Variants in RCOR1 observed in about 807,000 individuals in gnomAD.
RCOR1 encodes the protein REST corepressor 1, also known as REST corepressor.
RCOR1 carries 12 observed loss-of-function variants against 64.0 expected under a neutral mutation model. That is an observed-to-expected ratio of 0.19 (90% confidence interval 0.12 to 0.30). The LOEUF is 0.30. Among genes scored for constraint, RCOR1 ranks in the 10% least tolerant of loss-of-function variants. The pLI is 1.00. For missense variants in RCOR1, 502 were observed against 621.2 expected (o/e 0.81, Z 2.04); for synonymous variants, 279 against 227.2 (o/e 1.23, Z -2.05).
At chr14:102,656,153 T>A in intron 2 of RCOR1, 3 of 972,304 alleles carry the variant, frequency 3.1e-6, no homozygotes, top group Non-Finnish European at 3.7e-6. Context: ...TTTATTTTTT[T>A]TTTGGAGACA....
At chr14:102,649,892 G>A in intron 2 of RCOR1, 1 of 604,314 alleles carries the variant, frequency 1.7e-6, no homozygotes, top group Non-Finnish European at 2.1e-6. Flanking sequence ...AGAAAGGTGA[G>A]AGCTTAAAGA....
intron 6 of RCOR1, 164 bp from the exon 7 acceptor site, chr14:102,710,771 T>C (rs1035598061): frequency 3.3e-6 from 2 of 602,196 alleles, no homozygotes; most frequent in Non-Finnish European, 5.9e-6. Context: ...ATTACAAAGA[T>C]GTTTTTATCT....
At chr14:102,666,641 T>A (rs1478953820) in intron 2 of RCOR1, among the ~76,000 whole-genome samples, 4 of 152,238 alleles carry the variant, frequency 2.6e-5, no homozygotes, top group African/African-American at 9.6e-5. Context: ...TTTTTGATGA[T>A]GTTTTAGTTT....
At chr14:102,696,603 C>G (rs1895654242) in intron 3 of RCOR1, among the ~76,000 whole-genome samples, 1 of 152,176 alleles carries the variant, frequency 6.6e-6, no homozygotes, top group South Asian at 2.1e-4. Context: ...TCATGAGTCC[C>G]TGCCCTCAGT....
intron 4 of RCOR1, among the ~76,000 whole-genome samples, chr14:102,705,448 T>C (rs980737243): frequency 6.6e-6 from 1 of 152,216 alleles, no homozygotes; most frequent in Admixed American, 6.5e-5. Flanking sequence ...TGTGTCTTTT[T>C]GTTTGTTTTG....
At chr14:102,634,601 C>CGT (rs1555463064) in intron 2 of RCOR1, among the ~76,000 whole-genome samples, 5,806 of 150,798 alleles carry the variant, frequency 0.039, 131 homozygotes, top group Non-Finnish European at 0.044. Context: ...GTTTATATTA[C>CGT]GTGTGTGTGT....
chr14:102,612,404 G>A (rs1011902369), intron 2 of RCOR1, among the ~76,000 whole-genome samples: 2 of 151,558 alleles, frequency 1.3e-5, no homozygotes, highest in Non-Finnish European at 2.9e-5. Context: ...CGGGGTTTTG[G>A]GCCAGGCTGG....
intron 2 of RCOR1, among the ~76,000 whole-genome samples, chr14:102,597,012 A>G (rs1893266006): frequency 6.6e-6 from 1 of 151,486 alleles, no homozygotes; most frequent in Non-Finnish European, 1.5e-5. Context: ...AGTTGGAACT[A>G]CAGGTGCGTG....
chr14:102,626,527 T>G (rs1202769557), intron 2 of RCOR1, among the ~76,000 whole-genome samples: 2 of 152,190 alleles, frequency 1.3e-5, no homozygotes, highest in Non-Finnish European at 2.9e-5. Flanking sequence ...CTGAGAGATT[T>G]ATTTGTTGGC....
In RCOR1 at chr14:102,726,485, C is replaced by G; in HGVS notation, c.1437C>G (p.Val479=). The part of the protein sequence containing the change: ...EEEDEAPVLD[V]RYASAS The stretch of plus-strand genomic sequence containing the variant: ...GGCCTCAGGCTCCTGTTCTGGATGT[C>G]AGATATGCATCTGCCTCCTGAGAAA... The change falls in exon 12 of 12, where the codon GTC becomes GTG. Residue 479 remains valine, a synonymous_variant. Coordinates refer to ENST00000262241, the MANE Select transcript of RCOR1 (RefSeq NM_015156.4). 1.3e-6 allele frequency: 2 copies of G among 1,589,122 alleles called. No homozygotes were observed. The highest frequency in any genetic ancestry group is 1.1e-5 in the South Asian group (1 of 89,414).
At chr14:102,630,674 T>G (rs1381918681) in intron 2 of RCOR1, among the ~76,000 whole-genome samples, 3 of 152,160 alleles carry the variant, frequency 2.0e-5, no homozygotes, top group Non-Finnish European at 4.4e-5. Context: ...AGAAGGGTAG[T>G]GGGGACTGTC....
At chr14:102,637,053 A>G (rs994562672) in intron 2 of RCOR1, among the ~76,000 whole-genome samples, 2 of 152,034 alleles carry the variant, frequency 1.3e-5, no homozygotes, top group African/African-American at 4.8e-5. Context: ...GACTTTGTAA[A>G]TGTTTTTCTT....
At chr14:102,706,791 C>A (rs1445442210) in intron 4 of RCOR1, among the ~76,000 whole-genome samples, 1 of 151,648 alleles carries the variant, frequency 6.6e-6, no homozygotes, top group Non-Finnish European at 1.5e-5. Context: ...CACTGCACTC[C>A]AGCCTGGGTG....
chr14:102,618,188 T>A (rs1401343256), intron 2 of RCOR1, among the ~76,000 whole-genome samples: 1 of 151,772 alleles, frequency 6.6e-6, no homozygotes, highest in East Asian at 2.0e-4. Context: ...TTTCCCAGGC[T>A]GTTCTCAAAC....
intron 3 of RCOR1, among the ~76,000 whole-genome samples, chr14:102,692,398 A>G (rs924384945): frequency 4.6e-5 from 7 of 151,840 alleles, no homozygotes; most frequent in African/African-American, 1.2e-4. Flanking sequence ...GTACTGGGTC[A>G]TAATATATGA....
intron 2 of RCOR1, among the ~76,000 whole-genome samples, chr14:102,676,480 C>T (rs1595224812): frequency 1.1e-5 from 1 of 92,402 alleles, no homozygotes; most frequent in African/African-American, 5.0e-5. Flanking sequence ...ACCCCCCCAC[C>T]TCCCTCCCGG....
In RCOR1 at chr14:102,710,992, A is replaced by G. The variant is rs756186083; in HGVS notation, c.837A>G (p.Gln279=). Residue 279 remains glutamine (Q), a synonymous_variant, in exon 7 of 12, where the codon CAA becomes CAG. Transcript: ENST00000262241. The part of the protein sequence containing the change: ...GNNPIDIEVD[Q]NKESKKEVPP... ...ATCCCATTGACATTGAGGTTGATCA[A>G]AACAAGGAAAGCAAAAAGGAGGTAT... The G allele has an allele frequency of 6.2e-7, 1 of 1,606,700 alleles. No individual in the cohort carries two copies.
rs528306988 is a variant in RCOR1, at chr14:102,615,141, C to A, written c.361+21816C>A. ...CCATAGTGCCCGGCCCCCCCGCCCCCACCTTTTTTTGAGACAGAGTCTTAT... is the reference window on the plus strand; with the variant it reads ...CCATAGTGCCCGGCCCCCCCGCCCCAACCTTTTTTTGAGACAGAGTCTTAT... On this transcript the variant is annotated intron_variant, in intron 2 of 11. Transcript: ENST00000262241. 4.9e-5 allele frequency among the ~76,000 whole-genome samples: 7 copies of A among 143,770 alleles called. No individual in the cohort carries two copies. The East Asian group carries it at 1.2e-3, about 25-fold the overall frequency. 94.3% of individuals were successfully genotyped at this position (143,770 alleles called of 152,430 possible). A position where few individuals can be genotyped will look rare whatever the true frequency, so the allele number is the denominator to read the frequency against.
chr14:102,660,443 T>C (rs1438068751), intron 2 of RCOR1, among the ~76,000 whole-genome samples: 1 of 152,048 alleles, frequency 6.6e-6, no homozygotes, highest in East Asian at 1.9e-4. Flanking sequence ...GGAGTGCAGC[T>C]TGATGTATGA....
Sources: gnomAD v4.1 joint callset for allele counts (sites outside exome capture counted in the v4.1 genomes callset) on GRCh38, gnomAD v4.1.1 for gene constraint, MANE v1.5 for transcripts, NCBI Gene and HGNC (gene_info 2026-07-23, HGNC 2026-07-21) for gene names.